ATXN7L3: variants seen among roughly 807,000 people sequenced by gnomAD.
ATXN7L3 encodes ataxin 7 like 3.
A neutral mutation model predicts 50.0 loss-of-function variants in ATXN7L3; 6 were observed. The ratio of observed to expected loss-of-function variants is 0.12; its 90% CI spans 0.07 to 0.24. The LOEUF (loss-of-function observed/expected upper bound fraction) is 0.24. Ranked by LOEUF, ATXN7L3 falls within the 10% of genes least tolerant of loss-of-function variation. ATXN7L3 has a pLI of 1.00. For missense variants in ATXN7L3, 322 were observed against 451.3 expected (o/e 0.71, Z 2.60); for synonymous variants, 198 against 165.8 (o/e 1.19, Z -1.49).
rs773302205 is a variant in ATXN7L3 at position 44,194,761 on chromosome 17, C to A, written c.737+7G>T. ...CAACCCCCCACCCTTCCTGTAGGGC[C>A]ACTTACGCCGAGGGCCCGAGAAAAT... On this transcript the variant is annotated splice_region_variant and intron_variant, in intron 11 of 12. Coordinates refer to ENST00000587097, the MANE Select transcript of ATXN7L3 (RefSeq NM_001382309.1). 1.2e-6 allele frequency: 2 copies of A among 1,614,090 alleles called. No individual in the cohort carries two copies. Among genetic ancestry groups the A allele is most frequent in the African/African-American group, 2.7e-5 (2 of 75,040 alleles).
At position 44,197,577 on chromosome 17, in the gene ATXN7L3, C is replaced by T. The variant is rs746272705; in HGVS notation, c.184+21G>A. ...GTCCCAGGGAAGGGCTGGACTGCTG[C>T]TCCTTCACCCTGAAGCTCACCAAAA... On this transcript the variant is annotated intron_variant, in intron 3 of 12. Coordinates refer to ENST00000587097, the MANE Select transcript of ATXN7L3 (RefSeq NM_001382309.1). 3 of 1,614,178 alleles carry T rather than the reference C, an allele frequency of 1.9e-6. No homozygotes were observed. In the South Asian group the frequency reaches 3.3e-5, roughly 18 times the overall value.
intron 8 of ATXN7L3, 52 bp from the exon 9 acceptor site, chr17:44,195,539 G>C (rs771447731): frequency 8.4e-6 from 13 of 1,544,680 alleles, no homozygotes; most frequent in Middle Eastern, 1.7e-4. Flanking sequence ...AAAAGAGAAG[G>C]ACAGGGGTGG....
At position 44,196,015 on chromosome 17, in the gene ATXN7L3, T is replaced by C; in HGVS notation, c.523+19A>G. 2.5e-6 allele frequency: 4 copies of C among 1,593,298 alleles called. No homozygotes were observed. The highest frequency in any genetic ancestry group is 1.4e-5 in the African/African-American group (1 of 73,980). ...GAAGACACAGCTAGAAGCATTCCCA[T>C]TGCTCCGGCTCCACTTACCATTTTT... On this transcript the variant is annotated intron_variant, in intron 7 of 12. Coordinates refer to ENST00000587097, the MANE Select transcript of ATXN7L3 (RefSeq NM_001382309.1).
rs912105187 is a variant in ATXN7L3, at chr17:44,192,286, T to C, written c.*1977A>G. The stretch of plus-strand genomic sequence containing the variant: ...GACCAAGCCCATCTCTTACCCAGCC[T>C]GGGCAGGGGGCTCTGCCCTGAGGGC... On this transcript the variant is annotated 3_prime_UTR_variant, in exon 13 of 13. Coordinates refer to ENST00000587097, the MANE Select transcript of ATXN7L3 (RefSeq NM_001382309.1). The C allele has an allele frequency of 2.0e-5, 3 of 152,380 alleles. No homozygotes were observed. Among genetic ancestry groups the C allele is most frequent in the African/African-American group, 7.2e-5 (3 of 41,574 alleles). The allele number at this position is 152,380 out of a possible 1,614,324, so 9.4% of individuals were successfully genotyped here.
Position 44,197,406 on chromosome 17 carries a change from A to G in ATXN7L3, c.185-7T>C. The G allele has an allele frequency of 6.3e-7, 1 of 1,589,516 alleles. No homozygotes were observed. Among genetic ancestry groups the G allele is most frequent in the Non-Finnish European group, 8.6e-7 (1 of 1,164,094 alleles). ...CCCGGCTGGTCCACGATCTCTGGGG[A>G]CAGGAGAGGCTGGCGATCAGGGTGG... On this transcript the variant is annotated splice_polypyrimidine_tract_variant and splice_region_variant and intron_variant, in intron 3 of 12. Transcript: ENST00000587097.
rs371894207 is a variant in ATXN7L3, at chr17:44,195,083, G to C, written c.665+14C>G. 1.4e-5 allele frequency: 22 copies of C among 1,614,016 alleles called. No homozygotes were observed. Among genetic ancestry groups the C allele is most frequent in the Non-Finnish European group, 1.9e-5 (22 of 1,179,882 alleles). ...CAGGAAGCGCCTGGCCCCCTTTCTA[G>C]GTTCTGTGCTCACCTTGTGCACATC... On this transcript the variant is annotated intron_variant, in intron 10 of 12. Coordinates refer to ENST00000587097, the MANE Select transcript of ATXN7L3 (RefSeq NM_001382309.1).
chr17:44,195,926 C>G (rs1203201921), intron 7 of ATXN7L3, 98 bp from the exon 8 acceptor site: 2 of 1,563,456 alleles, frequency 1.3e-6, no homozygotes, highest in Non-Finnish European at 1.7e-6. Flanking sequence ...ACAGAAGGAT[C>G]ACAGGCCCTC....
chr17:44,198,213 A>C, intron 1 of ATXN7L3, 83 bp from the exon 2 acceptor site: 1 of 764,404 alleles, frequency 1.3e-6, no homozygotes. Context: ...CTCGCTGCCC[A>C]AAGCTCAGTC....
In ATXN7L3 at chr17:44,196,389, C is replaced by T. The variant is rs372948662; in HGVS notation, c.477+7G>A. On this transcript the variant is annotated splice_region_variant and intron_variant, in intron 6 of 12. Transcript: ENST00000587097. ...ATTATTTCCCCAATGCCTGGCCCGG[C>T]TCTCACCTTGTCTGACTTTCTCTTC... 14 of 1,613,942 alleles carry T rather than the reference C, an allele frequency of 8.7e-6. No homozygotes were observed. The highest frequency in any genetic ancestry group is 1.7e-5 in the Admixed American group (1 of 59,994).
In ATXN7L3 at chr17:44,195,328, G is replaced by A. The variant is rs561471732; in HGVS notation, c.621+91C>T. ...CAGAGAGAACGATACGGCCCTGACT[G>A]CTAGGTCACCAGCTTCCTCCCAGGC... On this transcript the variant is annotated intron_variant, in intron 9 of 12. Transcript: ENST00000587097. The A allele has an allele frequency of 3.5e-6, 5 of 1,430,256 alleles. 1 individual carries two copies. Among genetic ancestry groups the A allele is most frequent in the East Asian group, 4.5e-5 (2 of 43,994 alleles). The allele number at this position is 1,430,256 out of a possible 1,614,324, so 88.6% of individuals were successfully genotyped here. A position where few individuals can be genotyped will look rare whatever the true frequency, so the allele number is the denominator to read the frequency against.
Position 44,194,586 on chromosome 17 carries a change from C to T in ATXN7L3, c.826G>A (p.Gly276Ser), listed in dbSNP as rs1365764600. The change falls in exon 12 of 13, where the codon GGC becomes AGC. Residue 276 changes from glycine to serine, a missense_variant. By Grantham distance (56) the Gly-to-Ser change is moderately conservative. This residue lies in a region of ATXN7L3 where 122 missense variants were observed against 130.8 expected (regional missense o/e 0.93). Transcript: ENST00000587097. The part of the protein sequence containing the change: ...QALISRLQWD[G>S]SSDLSPSDSG... The stretch of plus-strand genomic sequence containing the variant: ...TCAGAGGGTGAGAGGTCAGAGGAGC[C>T]GTCCCACTGAAGCCGGCTGATCAGG... 5 of 1,613,688 alleles carry T rather than the reference C, an allele frequency of 3.1e-6. No homozygotes were observed. Among genetic ancestry groups the T allele is most frequent in the Middle Eastern group, 1.6e-4 (1 of 6,078 alleles).
intron 7 of ATXN7L3, 27 bp downstream of exon 7, chr17:44,196,006 GC>G: frequency 6.3e-7 from 1 of 1,597,536 alleles, no homozygotes; most frequent in Non-Finnish European, 8.6e-7. Context: ...ACAGCTAGAA[GC>G]ATTCCCATTG....
At chr17:44,197,093 CG>C in intron 4 of ATXN7L3, 67 bp from the exon 5 acceptor site, 1 of 1,554,672 alleles carries the variant, frequency 6.4e-7, no homozygotes, top group Non-Finnish European at 8.8e-7. Context: ...GTGGTCACCC[CG>C]CTCTGCCCCC....
At chr17:44,195,702 G>A in intron 8 of ATXN7L3, 98 bp downstream of exon 8, 1 of 1,366,186 alleles carries the variant, frequency 7.3e-7, no homozygotes, top group Non-Finnish European at 1.0e-6. Flanking sequence ...GCTCATCAGT[G>A]CCTCTGGCTG....
At chr17:44,196,889 C>A (rs756161668) in intron 5 of ATXN7L3, 40 bp downstream of exon 5, 7 of 1,476,150 alleles carry the variant, frequency 4.7e-6, no homozygotes, top group South Asian at 1.1e-5. Flanking sequence ...CTTCCCACCT[C>A]ATCCCAATGC....
chr17:44,192,748 CAG>C lies in ATXN7L3; in HGVS notation c.*1513_*1514del, dbSNP rs1452878033. On this transcript the variant is annotated 3_prime_UTR_variant, in exon 13 of 13. Transcript: ENST00000587097. ...CCCAGCGGGAGAGCGGAGTTCCAGACAGGGCATTGCAGCCCCATCTCTGTTGT... is the reference window on the plus strand; with the variant it reads ...CCCAGCGGGAGAGCGGAGTTCCAGACGGCATTGCAGCCCCATCTCTGTTGT... 3 of 152,226 alleles carry C rather than the reference CAG, an allele frequency of 2.0e-5. No homozygotes were observed. Among genetic ancestry groups the C allele is most frequent in the Non-Finnish European group, 2.9e-5 (2 of 68,062 alleles). 9.4% of individuals were successfully genotyped at this position (152,226 alleles called of 1,614,324 possible).
chr17:44,198,222 T>A, intron 1 of ATXN7L3, 92 bp from the exon 2 acceptor site: 1 of 716,738 alleles, frequency 1.4e-6, no homozygotes, highest in East Asian at 2.6e-5. Context: ...CAAAGCTCAG[T>A]CCTGGCATCA....
chr17:44,193,032 AGGCAGGTG>A lies in ATXN7L3; in HGVS notation c.*1223_*1230del, dbSNP rs1290940880. On this transcript the variant is annotated 3_prime_UTR_variant, in exon 13 of 13. Coordinates refer to ENST00000587097, the MANE Select transcript of ATXN7L3 (RefSeq NM_001382309.1). ...GGTACATCTCTTTAGGATGTAGACC[AGGCAGGTG>A]GGCACACTGGCATGACAGTCCCACA... 1 of 152,218 alleles carries A rather than the reference AGGCAGGTG, an allele frequency of 6.6e-6. No individual in the cohort carries two copies. The highest frequency in any genetic ancestry group is 1.5e-5 in the Non-Finnish European group (1 of 68,066). 9.4% of individuals were successfully genotyped at this position (152,218 alleles called of 1,614,324 possible).
intron 7 of ATXN7L3, 25 bp from the exon 8 acceptor site, chr17:44,195,853 G>A (rs1598195734): frequency 6.2e-7 from 1 of 1,607,998 alleles, no homozygotes; most frequent in Non-Finnish European, 8.5e-7. Flanking sequence ...AGAAGGGGAA[G>A]GGTGTTTGAT....
Sources: gnomAD v4.1 joint callset for allele counts on GRCh38, gnomAD v4.1.1 for gene constraint, gnomAD v4.1.1 regional missense constraint, MANE v1.5 for transcripts, NCBI Gene and HGNC (gene_info 2026-07-23, HGNC 2026-07-21) for gene names.